Variants in NR2E1 observed in about 807,000 individuals in gnomAD.
The protein encoded by NR2E1 is nuclear receptor subfamily 2 group E member 1, also known as nuclear receptor TLX.
Under a neutral mutation model 43.6 loss-of-function variants are expected in NR2E1, and 5 were observed. The observed-to-expected ratio is 0.11, with a 90% CI of 0.06 to 0.24. The LOEUF (loss-of-function observed/expected upper bound fraction) is 0.24. Ranked by LOEUF, NR2E1 falls within the 10% of genes least tolerant of loss-of-function variation. The pLI is 1.00. For synonymous variants in NR2E1, 191 were observed against 195.5 expected (o/e 0.98, Z 0.19); for missense variants, 287 against 496.7 (o/e 0.58, Z 4.01).
intron 4 of NR2E1, 73 bp downstream of exon 4, chr6:108,176,811 TG>T: frequency 2.4e-6 from 1 of 410,390 alleles, no homozygotes; most frequent in Non-Finnish European, 3.7e-6. Context: ...TCTTCTGAGC[TG>T]TGTGATTGGG....
intron 3 of NR2E1, chr6:108,176,188 AC>A: frequency 2.4e-6 from 1 of 409,796 alleles, no homozygotes; most frequent in Non-Finnish European, 4.4e-6. Flanking sequence ...TTCCCTGCGA[AC>A]CCCCTTCCCT....
Position 108,169,533 on chromosome 6 carries a change from A to G in NR2E1, c.26-1925A>G, listed in dbSNP as rs1401779012. Reference sequence around the variant, plus strand: ...GGGGTGACAGTACTGCTGGGCCCCAAACGTGGACCCTGGAGCGGTCAGAGG... The same window carrying G: ...GGGGTGACAGTACTGCTGGGCCCCAGACGTGGACCCTGGAGCGGTCAGAGG... On this transcript the variant is annotated intron_variant, in intron 1 of 8. Coordinates refer to ENST00000368986, the MANE Select transcript of NR2E1 (RefSeq NM_003269.5). The surrounding 1 kb of genome is among the most constrained non-coding windows in gnomAD (Gnocchi z 6.1). 6.6e-5 allele frequency among the ~76,000 whole-genome samples: 10 copies of G among 152,304 alleles called. No homozygotes were observed. The highest frequency in any genetic ancestry group is 1.2e-4 in the Non-Finnish European group (8 of 68,032).
chr6:108,166,813 TG>T lies in NR2E1; in HGVS notation c.25+27del, dbSNP rs1280000835. On this transcript the variant is annotated intron_variant, in intron 1 of 8. Transcript: ENST00000368986. This position sits in a 1 kb window ranked among gnomAD's most constrained non-coding sequence, Gnocchi z 7.2. Reference sequence around the variant, plus strand: ...CAAGTGGGTACCTCTCGGGCCGCCGTGGGGCCTAGGCGCGCAGCCTGGGGCG... The same window carrying T: ...CAAGTGGGTACCTCTCGGGCCGCCGTGGGCCTAGGCGCGCAGCCTGGGGCG... The T allele has an allele frequency of 2.5e-6, 4 of 1,587,580 alleles. No homozygotes were observed. In the Admixed American group the frequency reaches 5.3e-5, roughly 21 times the overall value.
chr6:108,174,224 G>A (rs1351271348), intron 2 of NR2E1, among the ~76,000 whole-genome samples: 1 of 152,164 alleles, frequency 6.6e-6, no homozygotes, highest in Non-Finnish European at 1.5e-5. Flanking sequence ...TGATAATAAG[G>A]TTGGCTTCAT....
rs1682480099 is a variant in NR2E1, at chr6:108,174,827, C to G, written c.172-9C>G. The G allele has an allele frequency of 1.2e-6, 2 of 1,613,582 alleles. No individual in the cohort carries two copies. The highest frequency in any genetic ancestry group is 1.7e-6 in the Non-Finnish European group (2 of 1,179,642). On this transcript the variant is annotated splice_polypyrimidine_tract_variant and intron_variant, in intron 2 of 8. Coordinates refer to ENST00000368986, the MANE Select transcript of NR2E1 (RefSeq NM_003269.5). Reference sequence around the variant, plus strand: ...CTGGGGACCGCTGACCTCCTGCTCTCTGTTCCAGGGAGGCTGTCCGGTGGA... The same window carrying G: ...CTGGGGACCGCTGACCTCCTGCTCTGTGTTCCAGGGAGGCTGTCCGGTGGA...
chr6:108,182,941 T>A (rs1178268661), intron 8 of NR2E1, among the ~76,000 whole-genome samples: 2 of 152,130 alleles, frequency 1.3e-5, no homozygotes, highest in Non-Finnish European at 2.9e-5. Flanking sequence ...CCTCAAGTGA[T>A]CCTCCCACCT....
chr6:108,176,581 A>G lies in NR2E1; in HGVS notation c.338A>G (p.Glu113Gly). The change falls in exon 4 of 9, where the codon GAG (glutamate) becomes GGG (glycine). Residue 113 changes from glutamate (E) to glycine (G), a missense_variant. Physicochemically the swap from Glu to Gly is moderately conservative, Grantham distance 98. Around this residue, in one of 4 missense-constraint regions of NR2E1, gnomAD observed 119 missense variants for 155.7 expected, o/e 0.76. Coordinates refer to ENST00000368986, the MANE Select transcript of NR2E1 (RefSeq NM_003269.5). ...VALYFRGHKE[E>G]NGAAAHFPSA... is the part of the protein sequence containing the mutation. ...CTCTACTTCCGTGGACACAAGGAGGAGAACGGGGCCGCCGCGCACTTTCCC... is the reference window on the plus strand; with the variant it reads ...CTCTACTTCCGTGGACACAAGGAGGGGAACGGGGCCGCCGCGCACTTTCCC... The G allele has an allele frequency of 6.2e-7, 1 of 1,613,010 alleles. No homozygotes were observed. The highest frequency in any genetic ancestry group is 1.1e-5 in the South Asian group (1 of 91,082).
Position 108,180,971 on chromosome 6 carries a change from A to G in NR2E1, c.889+15A>G, listed in dbSNP as rs1773974516. On this transcript the variant is annotated intron_variant, in intron 7 of 8. Coordinates refer to ENST00000368986, the MANE Select transcript of NR2E1 (RefSeq NM_003269.5). The surrounding 1 kb of genome is among the most constrained non-coding windows in gnomAD (Gnocchi z 5.4). ...TTTCAAAGCCGGTAAGCAGACACAG[A>G]CCCCTGTTTCTTCTCCTTCCCCAGT... 4 of 1,613,584 alleles carry G rather than the reference A, an allele frequency of 2.5e-6. No homozygotes were observed. The highest frequency in any genetic ancestry group is 1.7e-5 in the Admixed American group (1 of 59,972).
At position 108,180,805 on chromosome 6, in the gene NR2E1, A is replaced by G; in HGVS notation, c.740-2A>G. On this transcript the variant is annotated splice_acceptor_variant, in intron 6 of 8. Transcript: ENST00000368986. LOFTEE classifies it high-confidence loss of function. This position sits in a 1 kb window ranked among gnomAD's most constrained non-coding sequence, Gnocchi z 5.4. ...AGTATTTATCCCATATTTTTATTCT[A>G]GGCATGAACGGTGACAACACAGATT... The G allele has an allele frequency of 6.2e-7, 1 of 1,613,558 alleles. No individual in the cohort carries two copies. Among genetic ancestry groups the G allele is most frequent in the Non-Finnish European group, 8.5e-7 (1 of 1,179,438 alleles).
intron 2 of NR2E1, among the ~76,000 whole-genome samples, chr6:108,172,389 A>T (rs531878252): frequency 2.6e-5 from 4 of 152,246 alleles, no homozygotes; most frequent in African/African-American, 9.6e-5. Flanking sequence ...AGTAGGCAGA[A>T]CTGTCTCAAA....
chr6:108,183,553 G>C (rs1774025667), intron 8 of NR2E1, among the ~76,000 whole-genome samples: 1 of 152,098 alleles, frequency 6.6e-6, no homozygotes, highest in African/African-American at 2.4e-5. Flanking sequence ...AGACACTGTG[G>C]GGGGAATAAA....
rs1311110421 is a variant in NR2E1, at chr6:108,180,010, A to C, written c.643-313A>C. Among the ~76,000 whole-genome samples, 3 of 151,984 alleles carry C rather than the reference A, an allele frequency of 2.0e-5. No homozygotes were observed. The highest frequency in any genetic ancestry group is 4.4e-5 in the Non-Finnish European group (3 of 67,990). On this transcript the variant is annotated intron_variant, in intron 5 of 8. Transcript: ENST00000368986. The surrounding 1 kb of genome is among the most constrained non-coding windows in gnomAD (Gnocchi z 5.4). ...CCTGCTGAGCTGCTGGCATTTCATA[A>C]AGCCTCGCTCTCTAGAGGAGCTTCT...
chr6:108,170,156 C>T (rs538563059), intron 1 of NR2E1, among the ~76,000 whole-genome samples: 1 of 152,274 alleles, frequency 6.6e-6, no homozygotes, highest in South Asian at 2.1e-4. Flanking sequence ...CCCCTTCCCA[C>T]CTCAATCCCA....
At chr6:108,176,186 G>A in intron 3 of NR2E1, 1 of 399,934 alleles carries the variant, frequency 2.5e-6, no homozygotes, top group Admixed American at 4.1e-5. Flanking sequence ...GTTTCCCTGC[G>A]AACCCCCTTC....
intron 2 of NR2E1, among the ~76,000 whole-genome samples, chr6:108,173,398 C>T (rs1040136635): frequency 5.3e-5 from 8 of 152,282 alleles, no homozygotes; most frequent in East Asian, 1.9e-4. Context: ...AAATAATTCA[C>T]TTTGGACCCA....
At chr6:108,167,717 C>T (rs931430045) in intron 1 of NR2E1, among the ~76,000 whole-genome samples, 1 of 152,060 alleles carries the variant, frequency 6.6e-6, no homozygotes, top group Admixed American at 6.5e-5. Context: ...CTACCGTTGC[C>T]GCCGCAGTCC....
At chr6:108,168,296 C>CTTTTTT in intron 1 of NR2E1, 10 of 869,060 alleles carry the variant, frequency 1.2e-5, no homozygotes, top group South Asian at 5.7e-5. Flanking sequence ...GGCAGGCCTC[C>CTTTTTT]TAGCTCGCTC....
intron 1 of NR2E1, among the ~76,000 whole-genome samples, 180 bp from the exon 2 acceptor site, chr6:108,171,278 G>A (rs1467212077): frequency 6.6e-6 from 1 of 152,092 alleles, no homozygotes; most frequent in South Asian, 2.1e-4. Flanking sequence ...ACTTGCTCAA[G>A]GAAAAAAAGT....
rs1013569689 is a variant in NR2E1 at position 108,180,992 on chromosome 6, C to G, written c.889+36C>G. On this transcript the variant is annotated intron_variant, in intron 7 of 8. Transcript: ENST00000368986. This position sits in a 1 kb window ranked among gnomAD's most constrained non-coding sequence, Gnocchi z 5.4. ...ACAGACCCCTGTTTCTTCTCCTTCC[C>G]CAGTTTTGCCACCTCACTAATTCAG... 6.2e-7 allele frequency: 1 copy of G among 1,612,270 alleles called. No homozygotes were observed. Among genetic ancestry groups the G allele is most frequent in the Non-Finnish European group, 8.5e-7 (1 of 1,178,530 alleles).
Sources: gnomAD v4.1 joint callset for allele counts (sites outside exome capture counted in the v4.1 genomes callset) on GRCh38, gnomAD v4.1.1 for gene constraint, gnomAD v4.1.1 regional missense constraint, Gnocchi (gnomAD v3.1) non-coding constraint, MANE v1.5 for transcripts, NCBI Gene and HGNC (gene_info 2026-07-23, HGNC 2026-07-21) for gene names.